PKLR: variants seen among roughly 807,000 people sequenced by gnomAD.
PKLR encodes pyruvate kinase L/R, also known as pyruvate kinase PKLR.
Under a neutral mutation model 53.6 loss-of-function variants are expected in PKLR, and 38 were observed. The observed-to-expected ratio is 0.71, with a 90% confidence interval of 0.55 to 0.93. The LOEUF (loss-of-function observed/expected upper bound fraction) is 0.93. Ranked by LOEUF, PKLR falls within the 40% of genes least tolerant of loss-of-function variation. PKLR has a pLI of 0.00. For synonymous variants in PKLR, 328 were observed against 316.2 expected (o/e 1.04, Z -0.39); for missense variants, 702 against 787.3 (o/e 0.89, Z 1.30).
upstream of PKLR, among the ~76,000 whole-genome samples, chr1:155,305,571 T>A (rs924260133): frequency 6.6e-6 from 1 of 152,122 alleles, no homozygotes; most frequent in Non-Finnish European, 1.5e-5. Context: ...CTTCAGGGAC[T>A]GGGGATTCAG....
At chr1:155,301,782 G>A (rs192970334), upstream of PKLR, among the ~76,000 whole-genome samples, 2 of 152,196 alleles carry the variant, frequency 1.3e-5, no homozygotes, top group East Asian at 1.9e-4. Context: ...ATAATATGGT[G>A]GGGGGAGGGT....
chr1:155,291,893 A>G lies in PKLR; in HGVS notation c.1481T>C (p.Ile494Thr), dbSNP rs1467286964. ...AGCCTGGGCAGAGCGGGTGACAGCA[A>G]TGACTGCTGCCCGAGGTCGGTACCG... ...LSRYRPRAAV[I>T]AVTRSAQAAR... Residue 494 changes from isoleucine (I) to threonine (T), a missense_variant, in exon 10 of 11, where the codon ATT becomes ACT. Physicochemically the swap from Ile to Thr is moderately conservative, Grantham distance 89 (BLOSUM62 -1). Around this residue, in one of 2 missense-constraint regions of PKLR, gnomAD observed 183 missense variants for 250.2 expected, o/e 0.73. Coordinates refer to ENST00000342741, the MANE Select transcript of PKLR (RefSeq NM_000298.6). 4 of 1,613,790 alleles carry G rather than the reference A, an allele frequency of 2.5e-6. No homozygotes were observed. The highest frequency in any genetic ancestry group is 1.7e-6 in the Non-Finnish European group (2 of 1,180,022).
rs542878946 is a variant in PKLR, at chr1:155,294,871, C to T, written c.695-119G>A. 2.3e-4 allele frequency: 303 copies of T among 1,313,630 alleles called. 2 individuals carry two copies. In the South Asian group the frequency reaches 3.6e-3, roughly 16 times the overall value. The allele number at this position is 1,313,630 out of a possible 1,614,324, so 81.4% of individuals were successfully genotyped here. A position where few individuals can be genotyped will look rare whatever the true frequency, so the allele number is the denominator to read the frequency against. On this transcript the variant is annotated intron_variant, in intron 5 of 10. Transcript: ENST00000342741. ...AGGAACCATGTCCTCCTCATCTCTC[C>T]GCCCTTGTTCTGGGCTTCGCCCGGA... is the stretch of plus-strand genomic sequence containing the variant.
chr1:155,308,492 T>G, the PKLR span: 1 of 906,226 alleles, frequency 1.1e-6, no homozygotes, highest in Admixed American at 6.2e-5. Context: ...AGACGTTAAA[T>G]GATTTGCCTA....
At chr1:155,299,491 C>CTTTTTTTTTTTT (rs35869567) in intron 2 of PKLR, among the ~76,000 whole-genome samples, 6 of 42,760 alleles carry the variant, frequency 1.4e-4, no homozygotes, top group African/African-American at 4.1e-4. Flanking sequence ...GCCCAGCCCA[C>CTTTTTTTTTTTT]TTTTTTTTTT....
chr1:155,291,956 G>T lies in PKLR; in HGVS notation c.1437-19C>A, dbSNP rs759484318. On this transcript the variant is annotated intron_variant, in intron 9 of 10. Transcript: ENST00000342741. ...GGCTGAGCTGGAGGAGGCAGAGAAG[G>T]TCAGCCCAGAACAGCAAGAAAGTGG... 1.2e-4 allele frequency: 199 copies of T among 1,611,480 alleles called. No homozygotes were observed. Among genetic ancestry groups the T allele is most frequent in the Non-Finnish European group, 1.5e-4 (179 of 1,179,152 alleles).
In PKLR at chr1:155,290,074, G is replaced by A. The variant is rs900282448; in HGVS notation, c.*498C>T. ...CATCCCACCCAGTTTTCCCAAAAGC[G>A]TGGACTTTCATGTAACTGTTAGTCA... On this transcript the variant is annotated 3_prime_UTR_variant, in exon 11 of 11. Coordinates refer to ENST00000342741, the MANE Select transcript of PKLR (RefSeq NM_000298.6). 8.2e-5 allele frequency: 14 copies of A among 170,518 alleles called. No homozygotes were observed. Among genetic ancestry groups the A allele is most frequent in the South Asian group, 7.7e-4 (5 of 6,518 alleles). The allele number at this position is 170,518 out of a possible 1,614,324, so 10.6% of individuals were successfully genotyped here.
chr1:155,294,338 C>T lies in PKLR; in HGVS notation c.1013G>A (p.Gly338Glu). The T allele has an allele frequency of 1.9e-6, 3 of 1,614,104 alleles. No individual in the cohort carries two copies. Among genetic ancestry groups the T allele is most frequent in the Non-Finnish European group, 2.5e-6 (3 of 1,180,014 alleles). The change falls in exon 7 of 11, where the codon GGG becomes GAG. Residue 338 changes from glycine (G) to glutamate (E), a missense_variant. Coordinates refer to ENST00000342741, the MANE Select transcript of PKLR (RefSeq NM_000298.6). Reference protein sequence around the residue: ...EVSDGIMVARGDLGIEIPAEK... With the variant: ...EVSDGIMVAREDLGIEIPAEK... ...TGCTGGGATCTCGATGCCTAGGTCC[C>T]CCCGTGCCACCATGATGCCGTCGCT...
At chr1:155,291,106 AC>A (rs959388259) in intron 10 of PKLR, among the ~76,000 whole-genome samples, 3 of 152,066 alleles carry the variant, frequency 2.0e-5, no homozygotes, top group African/African-American at 7.2e-5. Context: ...AGAACCAGCC[AC>A]CACCTTTCAC....
chr1:155,291,357 G>T (rs757032447), intron 10 of PKLR, among the ~76,000 whole-genome samples: 1 of 151,966 alleles, frequency 6.6e-6, no homozygotes, highest in African/African-American at 2.4e-5. Flanking sequence ...TTATCCAGGC[G>T]TGGTGGCGCA....
chr1:155,302,268 A>G, upstream of PKLR, among the ~76,000 whole-genome samples: 1 of 128,216 alleles, frequency 7.8e-6, no homozygotes, highest in South Asian at 2.4e-4. Flanking sequence ...ACTGAGTCTG[A>G]CTCTGTTGCC....
intron 1 of PKLR, chr1:155,301,048 C>T: frequency 6.5e-7 from 1 of 1,542,520 alleles, no homozygotes; most frequent in Non-Finnish European, 8.8e-7. Flanking sequence ...TGCCAGGGGC[C>T]AGAGTCCAGG....
chr1:155,292,365 G>C (rs2148200136), intron 9 of PKLR, among the ~76,000 whole-genome samples: 1 of 152,338 alleles, frequency 6.6e-6, no homozygotes, highest in East Asian at 1.9e-4. Context: ...GCCAGGCACA[G>C]TGGCTCATGC....
intron 1 of PKLR, chr1:155,301,050 G>GGGGCC: frequency 6.5e-7 from 1 of 1,542,054 alleles, no homozygotes. Flanking sequence ...CCAGGGGCCA[G>GGGGCC]AGTCCAGGAA....
chr1:155,293,169 C>T lies in PKLR; in HGVS notation c.1436+8G>A, dbSNP rs1426543385. On this transcript the variant is annotated splice_region_variant and intron_variant, in intron 9 of 10. Transcript: ENST00000342741. The surrounding 1 kb of genome is among the most constrained non-coding windows in gnomAD (Gnocchi z 4.2). ...GCTCCATCTGGACATTCCCAATATC[C>T]CCCTCACCGGCCAGTTGTGGTCAGC... The T allele has an allele frequency of 1.9e-6, 3 of 1,613,854 alleles. No individual in the cohort carries two copies. Among genetic ancestry groups the T allele is most frequent in the Non-Finnish European group, 1.7e-6 (2 of 1,179,844 alleles).
chr1:155,306,322 G>A (rs953659709), upstream of PKLR, among the ~76,000 whole-genome samples: 6 of 151,894 alleles, frequency 4.0e-5, no homozygotes, highest in East Asian at 1.9e-4. This position sits in a 1 kb window ranked among gnomAD's most constrained non-coding sequence, Gnocchi z 4.2. Flanking sequence ...AGACACAAAC[G>A]CAGGTGGCTT....
At chr1:155,292,044 G>T in intron 9 of PKLR, 107 bp from the exon 10 acceptor site, 1 of 1,059,836 alleles carries the variant, frequency 9.4e-7, no homozygotes, top group Non-Finnish European at 1.4e-6. Flanking sequence ...GTGTGACCCT[G>T]GGTAAGTCAT....
In PKLR at chr1:155,295,049, G is replaced by C; in HGVS notation, c.694+67C>G. ...GGTGTGATCGGTCTGAGGGCTGATG[G>C]GGGAGCCAAGGAGAAGGGAATGTGC... On this transcript the variant is annotated intron_variant, in intron 5 of 10. Coordinates refer to ENST00000342741, the MANE Select transcript of PKLR (RefSeq NM_000298.6). The surrounding 1 kb of genome is among the most constrained non-coding windows in gnomAD (Gnocchi z 4.3). The C allele has an allele frequency of 6.5e-7, 1 of 1,542,396 alleles. No homozygotes were observed. The highest frequency in any genetic ancestry group is 1.4e-5 in the African/African-American group (1 of 73,378).
At chr1:155,300,633 C>T (rs1647940422) in intron 1 of PKLR, among the ~76,000 whole-genome samples, 1 of 152,108 alleles carries the variant, frequency 6.6e-6, no homozygotes, top group Admixed American at 6.6e-5. Flanking sequence ...CGACCTGCAG[C>T]TACTGATGAC....
Sources: gnomAD v4.1 joint callset for allele counts (sites outside exome capture counted in the v4.1 genomes callset) on GRCh38, gnomAD v4.1.1 for gene constraint, gnomAD v4.1.1 regional missense constraint, Gnocchi (gnomAD v3.1) non-coding constraint, MANE v1.5 for transcripts, NCBI Gene and HGNC (gene_info 2026-07-23, HGNC 2026-07-21) for gene names.